STK32B: variants seen among roughly 807,000 people sequenced by gnomAD.
STK32B encodes serine/threonine kinase 32B, also known as serine/threonine-protein kinase 32B.
Under a neutral mutation model 52.6 loss-of-function variants are expected in STK32B, and 43 were observed. That is an observed-to-expected ratio of 0.82 (90% CI 0.64 to 1.05). The LOEUF is 1.05. STK32B is among the 50% of genes least tolerant of loss of function. The pLI is 0.00. For missense variants in STK32B, 621 were observed against 534.6 expected, an observed-to-expected ratio of 1.16 and a Z score of -1.59; for synonymous variants, 238 against 204.3, an observed-to-expected ratio of 1.17 and a Z score of -1.41.
chr4:5,134,017 T>G (rs1346455739), intron 1 of STK32B, among the ~76,000 whole-genome samples: 1 of 152,182 alleles, frequency 6.6e-6, no homozygotes, highest in Non-Finnish European at 1.5e-5. Flanking sequence ...ATCCATGGCC[T>G]GACTCTCTCC....
intron 7 of STK32B, among the ~76,000 whole-genome samples, chr4:5,452,692 C>T (rs929948629): frequency 1.3e-5 from 2 of 152,044 alleles, no homozygotes; most frequent in African/African-American, 2.4e-5. Context: ...AGATGGTCTC[C>T]AAGGCCCAGC....
rs1735863152 is a variant in STK32B at position 5,380,340 on chromosome 4, T to C, written c.435-17867T>C. Among the ~76,000 whole-genome samples the C allele has an allele frequency of 1.3e-5, 2 of 152,090 alleles. No homozygotes were observed. Among genetic ancestry groups the C allele is most frequent in the South Asian group, 4.1e-4 (2 of 4,820 alleles). On this transcript the variant is annotated intron_variant, in intron 4 of 11. Coordinates refer to ENST00000282908, the MANE Select transcript of STK32B (RefSeq NM_018401.3). The surrounding 1 kb of genome is among the most constrained non-coding windows in gnomAD (Gnocchi z 4.3). ...CCCTCCTCCCGAATCTCTCCAACGC[T>C]ACCCAAGAGAATGCAAAAGGCCAGG... is the stretch of plus-strand genomic sequence containing the variant.
rs147271501 is a variant in STK32B at position 5,324,800 on chromosome 4, G to A, written c.261-6420G>A. Reference sequence around the variant, plus strand: ...GGAATAAGGAATATTGTGGGTGAACGTGTGGAATTGTGAGAGTGTGGGTCC... The same window carrying A: ...GGAATAAGGAATATTGTGGGTGAACATGTGGAATTGTGAGAGTGTGGGTCC... On this transcript the variant is annotated intron_variant, in intron 3 of 11. Coordinates refer to ENST00000282908, the MANE Select transcript of STK32B (RefSeq NM_018401.3). 1.0e-3 allele frequency among the ~76,000 whole-genome samples: 152 copies of A among 152,342 alleles called. 2 individuals carry two copies. The highest frequency in any genetic ancestry group is 8.9e-3 in the Admixed American group (136 of 15,302).
rs112864787 is a variant in STK32B, at chr4:5,104,338, T to C, written c.53-35567T>C. On this transcript the variant is annotated intron_variant, in intron 1 of 11. Coordinates refer to ENST00000282908, the MANE Select transcript of STK32B (RefSeq NM_018401.3). ...GCTCTTCCATCATCTTCCACCATGA[T>C]TGTGAAGCCTCCCCAGACATGTGGA... Among the ~76,000 whole-genome samples the C allele has an allele frequency of 5.5e-4, 84 of 152,344 alleles. 1 individual carries two copies. The highest frequency in any genetic ancestry group is 1.9e-3 in the African/African-American group (79 of 41,580).
rs201263626 is a variant in STK32B, at chr4:5,053,815, C to G, written c.52+1900C>G. Among the ~76,000 whole-genome samples, 9 of 151,506 alleles carry G rather than the reference C, an allele frequency of 5.9e-5. No homozygotes were observed. In the South Asian group the frequency reaches 1.5e-3, roughly 25 times the overall value. ...CCAACATGATGAAACCCCGACTCTA[C>G]TAAAAATACAAAAATTAGCCGGGCA... On this transcript the variant is annotated intron_variant, in intron 1 of 11. Coordinates refer to ENST00000282908, the MANE Select transcript of STK32B (RefSeq NM_018401.3).
intron 3 of STK32B, among the ~76,000 whole-genome samples, chr4:5,222,409 A>G (rs1471787722): frequency 6.6e-6 from 1 of 152,182 alleles, no homozygotes; most frequent in East Asian, 1.9e-4. Context: ...ATAAGAGAAA[A>G]ACTGTAGCAA....
intron 2 of STK32B, among the ~76,000 whole-genome samples, chr4:5,151,962 A>G (rs548471025): frequency 2.0e-4 from 30 of 152,152 alleles, no homozygotes; most frequent in Non-Finnish European, 4.0e-4. Flanking sequence ...TGACCATATG[A>G]TGTGCCTGTG....
chr4:5,408,186 T>C (rs1737801135), intron 5 of STK32B, among the ~76,000 whole-genome samples: 1 of 152,058 alleles, frequency 6.6e-6, no homozygotes. Context: ...GCTAATAAGG[T>C]ACTTAGGACT....
At chr4:5,495,924 C>T (rs557681404) in intron 11 of STK32B, among the ~76,000 whole-genome samples, 13 of 152,288 alleles carry the variant, frequency 8.5e-5, no homozygotes, top group South Asian at 8.3e-4. Flanking sequence ...GCTCTCTGAT[C>T]GTTCCTCTGG....
At chr4:5,234,037 A>G (rs1451380969) in intron 3 of STK32B, among the ~76,000 whole-genome samples, 1 of 151,992 alleles carries the variant, frequency 6.6e-6, no homozygotes, top group East Asian at 1.9e-4. Context: ...ACTCCAGCTA[A>G]GTCTGACCTG....
At chr4:5,077,602 C>T (rs1712158337) in intron 1 of STK32B, among the ~76,000 whole-genome samples, 2 of 152,166 alleles carry the variant, frequency 1.3e-5, no homozygotes, top group Admixed American at 6.5e-5. Context: ...GATCTCTTCT[C>T]TTCTCCCTTG....
At chr4:5,248,767 C>T (rs1367210508) in intron 3 of STK32B, among the ~76,000 whole-genome samples, 1 of 152,106 alleles carries the variant, frequency 6.6e-6, no homozygotes, top group East Asian at 1.9e-4. Flanking sequence ...GAATTCATGT[C>T]CTTTTTAGGG....
chr4:5,370,286 C>A (rs1265842074), intron 4 of STK32B, among the ~76,000 whole-genome samples: 2 of 152,196 alleles, frequency 1.3e-5, no homozygotes, highest in Non-Finnish European at 2.9e-5. Flanking sequence ...GTGGTATTAT[C>A]ATTGGCTGAC....
intron 3 of STK32B, among the ~76,000 whole-genome samples, chr4:5,241,075 A>G (rs1577231889): frequency 1.3e-5 from 2 of 152,136 alleles, no homozygotes; most frequent in East Asian, 1.9e-4. Context: ...TTAAAATTAT[A>G]TCATAGTTTT....
rs199697258 is a variant in STK32B, at chr4:5,088,380, AG to A, written c.52+36467del. Among the ~76,000 whole-genome samples, 944 of 152,216 alleles carry A rather than the reference AG, an allele frequency of 6.2e-3. 10 individuals are homozygous for A. The highest frequency in any genetic ancestry group is 0.022 in the African/African-American group (912 of 41,564). On this transcript the variant is annotated intron_variant, in intron 1 of 11. Transcript: ENST00000282908. ...AAAAAATAGTTAAAAAGAATGAATG[AG>A]GCCTACTATTTGACAGCACAACAGG...
At chr4:5,088,902 A>T (rs1383462208) in intron 1 of STK32B, among the ~76,000 whole-genome samples, 1 of 151,406 alleles carries the variant, frequency 6.6e-6, no homozygotes, top group Non-Finnish European at 1.5e-5. Flanking sequence ...AAAGAAGAAC[A>T]AACTAAATCC....
At chr4:5,111,477 G>T (rs1044667294) in intron 1 of STK32B, among the ~76,000 whole-genome samples, 1 of 152,164 alleles carries the variant, frequency 6.6e-6, no homozygotes, top group Non-Finnish European at 1.5e-5. Flanking sequence ...CATAGATGGA[G>T]CTGGAGGCTG....
intron 3 of STK32B, among the ~76,000 whole-genome samples, chr4:5,287,666 T>C (rs899957433): frequency 6.7e-6 from 1 of 149,122 alleles, no homozygotes; most frequent in Non-Finnish European, 1.5e-5. Context: ...ATACATATGG[T>C]ATTTTCCCCT....
intron 1 of STK32B, among the ~76,000 whole-genome samples, chr4:5,115,579 A>G (rs887158520): frequency 6.6e-6 from 1 of 151,608 alleles, no homozygotes; most frequent in African/African-American, 2.4e-5. Flanking sequence ...CTTGAGGGCA[A>G]CTGGAGAAGT....
Sources: gnomAD v4.1 joint callset for allele counts (sites outside exome capture counted in the v4.1 genomes callset) on GRCh38, gnomAD v4.1.1 for gene constraint, Gnocchi (gnomAD v3.1) non-coding constraint, MANE v1.5 for transcripts, NCBI Gene and HGNC (gene_info 2026-07-23, HGNC 2026-07-21) for gene names.